SYNPR: variants seen among roughly 807,000 people sequenced by gnomAD.
SYNPR encodes the protein synaptoporin.
Under a neutral mutation model 32.9 loss-of-function variants are expected in SYNPR, and 23 were observed. That is an observed-to-expected ratio of 0.70 (90% CI 0.50 to 0.99). The LOEUF is 0.99. Ranked by LOEUF, SYNPR falls within the 50% of genes least tolerant of loss-of-function variation. The pLI, the probability that SYNPR is intolerant of heterozygous loss-of-function variation, is 0.00. For missense variants in SYNPR, 318 were observed against 349.3 expected, an observed-to-expected ratio of 0.91 and a Z score of 0.71; for synonymous variants, 146 against 135.9, an observed-to-expected ratio of 1.07 and a Z score of -0.52.
At chr3:63,574,732 C>T (rs1702948972) in intron 4 of SYNPR, among the ~76,000 whole-genome samples, 1 of 152,046 alleles carries the variant, frequency 6.6e-6, no homozygotes, top group Non-Finnish European at 1.5e-5. Context: ...CAGCACACAA[C>T]ACATATACAG....
rs550603047 is a variant in SYNPR, at chr3:63,370,430, G to A, written c.84+91688G>A. Among the ~76,000 whole-genome samples the A allele has an allele frequency of 4.6e-5, 7 of 152,308 alleles. No individual in the cohort carries two copies. The East Asian group carries it at 1.4e-3, about 29-fold the overall frequency. Reference sequence around the variant, plus strand: ...TTTTCAAAAAACACATTGACAAGCTGTCTAGTGTGCCAATAAAGAATCTAT... The same window carrying A: ...TTTTCAAAAAACACATTGACAAGCTATCTAGTGTGCCAATAAAGAATCTAT... On this transcript the variant is annotated intron_variant, in intron 2 of 5. Coordinates refer to ENST00000478300, the MANE Select transcript of SYNPR (RefSeq NM_001130003.2).
intron 2 of SYNPR, among the ~76,000 whole-genome samples, chr3:63,346,970 G>T (rs1487596228): frequency 6.6e-6 from 1 of 152,100 alleles, no homozygotes; most frequent in Non-Finnish European, 1.5e-5. Flanking sequence ...TTTATGGAAG[G>T]AAACAGTCTT....
Position 63,243,896 on chromosome 3 carries a change from A to T in SYNPR, n.67-8603A>T, listed in dbSNP as rs190422464. Among the ~76,000 whole-genome samples, 16 of 152,228 alleles carry T rather than the reference A, an allele frequency of 1.1e-4. No individual in the cohort carries two copies. The East Asian group carries it at 1.2e-3, about 11-fold the overall frequency. Reference sequence around the variant, plus strand: ...AAAAACAAAAACAAAAACAAAACAAAAAAACAGGCTAAGCTAGGAAGGTGA... The same window carrying T: ...AAAAACAAAAACAAAAACAAAACAATAAAACAGGCTAAGCTAGGAAGGTGA... On this transcript the variant is annotated intron_variant and non_coding_transcript_variant, in intron 1 of 4. Transcript: ENST00000478456.
chr3:63,207,430 G>T, the SYNPR span, among the ~76,000 whole-genome samples: 2 of 152,150 alleles, frequency 1.3e-5, no homozygotes, highest in Non-Finnish European at 1.5e-5. Context: ...GCTCATGAAG[G>T]TATTGTCACC....
chr3:63,551,925 T>C (rs1470382759), intron 3 of SYNPR, among the ~76,000 whole-genome samples: 1 of 151,298 alleles, frequency 6.6e-6, no homozygotes, highest in Admixed American at 6.6e-5. Flanking sequence ...GAGACGGAGC[T>C]TGGCTCTTGT....
At chr3:63,477,340 A>G (rs1335800998) in intron 2 of SYNPR, among the ~76,000 whole-genome samples, 2 of 152,176 alleles carry the variant, frequency 1.3e-5, no homozygotes, top group Non-Finnish European at 2.9e-5. Context: ...TGACTCTTCC[A>G]GTGTTATACA....
the SYNPR span, among the ~76,000 whole-genome samples, chr3:63,208,272 G>A: frequency 1.3e-5 from 2 of 152,132 alleles, no homozygotes; most frequent in African/African-American, 4.8e-5. Flanking sequence ...GTTATTTTAT[G>A]ACTGGAGTGA....
At chr3:63,412,197 AGT>A (rs1167724571) in intron 2 of SYNPR, among the ~76,000 whole-genome samples, 1 of 152,158 alleles carries the variant, frequency 6.6e-6, no homozygotes, top group Middle Eastern at 3.2e-3. Context: ...GCAGCAAAAG[AGT>A]GAGAATAGTG....
chr3:63,293,227 G>T (rs1416859850), intron 2 of SYNPR, among the ~76,000 whole-genome samples: 1 of 152,286 alleles, frequency 6.6e-6, no homozygotes. Flanking sequence ...AAGTGACCAA[G>T]GCAGGGTTTC....
intron 4 of SYNPR, among the ~76,000 whole-genome samples, chr3:63,559,906 G>C (rs1035826749): frequency 2.6e-5 from 4 of 152,150 alleles, no homozygotes; most frequent in Admixed American, 2.6e-4. Flanking sequence ...TTTTAAGCCT[G>C]AGGAAATATC....
At chr3:63,541,784 GC>G (rs1486949408) in intron 3 of SYNPR, among the ~76,000 whole-genome samples, 1 of 151,974 alleles carries the variant, frequency 6.6e-6, no homozygotes, top group Non-Finnish European at 1.5e-5. Context: ...CATAGAAAAA[GC>G]AAAACTAAAA....
chr3:63,567,838 C>G (rs1479623102), intron 4 of SYNPR, among the ~76,000 whole-genome samples: 1 of 152,210 alleles, frequency 6.6e-6, no homozygotes, highest in African/African-American at 2.4e-5. Context: ...GTTCCACCAC[C>G]TGTCTGAGAT....
chr3:63,612,961 CT>C (rs759144826), intron 5 of SYNPR, among the ~76,000 whole-genome samples: 3 of 144,654 alleles, frequency 2.1e-5, no homozygotes, highest in Non-Finnish European at 4.5e-5. Context: ...TTTTCCTTTC[CT>C]TTTGTTTCCT....
chr3:63,463,021 A>T lies in SYNPR; in HGVS notation c.85-17811A>T, dbSNP rs563779331. Among the ~76,000 whole-genome samples, 7 of 152,216 alleles carry T rather than the reference A, an allele frequency of 4.6e-5. No individual in the cohort carries two copies. The South Asian group carries it at 1.4e-3, about 32-fold the overall frequency. On this transcript the variant is annotated intron_variant, in intron 2 of 5. Transcript: ENST00000478300. ...GCACAATTCAGCTGCCACTGATATG[A>T]TGTTTTGGCCACTACAAATCACAGT...
chr3:63,492,808 T>C (rs1295075094), intron 3 of SYNPR, among the ~76,000 whole-genome samples: 1 of 152,104 alleles, frequency 6.6e-6, no homozygotes, highest in Non-Finnish European at 1.5e-5. Flanking sequence ...ACATTACTGT[T>C]TTCAAAGTTA....
intron 3 of SYNPR, among the ~76,000 whole-genome samples, chr3:63,513,876 C>A (rs1212437183): frequency 6.6e-6 from 1 of 152,104 alleles, no homozygotes; most frequent in Middle Eastern, 3.4e-3. Context: ...AACTGAGGAG[C>A]CTTTGAAATC....
chr3:63,561,913 T>C (rs1702697359), intron 4 of SYNPR, among the ~76,000 whole-genome samples: 1 of 152,178 alleles, frequency 6.6e-6, no homozygotes, highest in African/African-American at 2.4e-5. Context: ...ATTGCCCACC[T>C]TTAAGTAAAA....
chr3:63,362,706 T>C (rs1272626302), intron 2 of SYNPR, among the ~76,000 whole-genome samples: 1 of 152,124 alleles, frequency 6.6e-6, no homozygotes, highest in African/African-American at 2.4e-5. Flanking sequence ...CCTAACTTTA[T>C]TAGGGTGGGT....
intron 1 of SYNPR, among the ~76,000 whole-genome samples, chr3:63,241,975 A>G (rs2086252257): frequency 6.6e-6 from 1 of 151,986 alleles, no homozygotes; most frequent in Non-Finnish European, 1.5e-5. Context: ...ACCCCCTTTC[A>G]CATGTTTCAG....
Sources: allele counts gnomAD v4.1 joint callset (sites outside exome capture counted in the v4.1 genomes callset), GRCh38; gene constraint gnomAD v4.1.1; transcripts MANE v1.5; gene names NCBI Gene and HGNC (gene_info 2026-07-23, HGNC 2026-07-21).